Variants in SNX21 observed in about 807,000 individuals in gnomAD.
The protein encoded by SNX21 is sorting nexin-21.
A neutral mutation model predicts 30.9 loss-of-function variants in SNX21; 36 were observed. The ratio of observed to expected loss-of-function variants is 1.16; its 90% confidence interval spans 0.89 to 1.54. The LOEUF is 1.54. Among genes scored for constraint, SNX21 ranks in the 40% most tolerant of loss-of-function variants. SNX21 has a pLI of 0.00. For missense variants in SNX21, 508 were observed against 516.5 expected (o/e 0.98, Z 0.16); for synonymous variants, 218 against 222.7 (o/e 0.98, Z 0.19).
chr20:45,840,607 T>G, intron 3 of SNX21, 32 bp from the exon 4 acceptor site: 1 of 1,614,054 alleles, frequency 6.2e-7, no homozygotes, highest in Non-Finnish European at 8.5e-7. Flanking sequence ...GTGGACAACT[T>G]GCATTTGCCC....
At position 45,841,434 on chromosome 20, in the gene SNX21, CAA is replaced by C. The variant is rs890984609; in HGVS notation, c.*124_*125del. 53 of 1,462,734 alleles carry C rather than the reference CAA, an allele frequency of 3.6e-5. 1 individual carries two copies. In the South Asian group the frequency reaches 7.1e-4, roughly 20 times the overall value. 90.6% of individuals were successfully genotyped at this position (1,462,734 alleles called of 1,614,324 possible). ...GGGTGCTGGGAGCCCCTAGAAGTTC[CAA>C]AAGAGAATGTGAAGCAGATCAAGGA... is the stretch of plus-strand genomic sequence containing the variant. On this transcript the variant is annotated 3_prime_UTR_variant, in exon 4 of 4. Transcript: ENST00000491381.
At chr20:45,839,339 C>T (rs1440564728) in intron 3 of SNX21, among the ~76,000 whole-genome samples, 1 of 152,002 alleles carries the variant, frequency 6.6e-6, no homozygotes, top group Admixed American at 6.6e-5. Flanking sequence ...CACAGTGAAA[C>T]CCCGTCTCTA....
chr20:45,839,510 C>T (rs1444820824), intron 3 of SNX21, among the ~76,000 whole-genome samples: 1 of 151,548 alleles, frequency 6.6e-6, no homozygotes, highest in Non-Finnish European at 1.5e-5. Flanking sequence ...GGCAACAGAG[C>T]GAGACTCCGT....
chr20:45,840,950 T>C lies in SNX21; in HGVS notation c.759T>C (p.Thr253=). Residue 253 remains threonine (T), a synonymous_variant, in exon 4 of 4, where the codon ACT becomes ACC. Coordinates refer to ENST00000491381, the MANE Select transcript of SNX21 (RefSeq NM_033421.4). ...ELRRAQSLTC[T]GLYREALALW... ...GGCGGGCACAGAGCCTCACCTGTAC[T>C]GGCCTCTATCGTGAGGCTCTGGCAC... The C allele has an allele frequency of 6.2e-7, 1 of 1,611,028 alleles. No individual in the cohort carries two copies. Among genetic ancestry groups the C allele is most frequent in the Non-Finnish European group, 8.5e-7 (1 of 1,178,928 alleles).
rs868085939 is a variant in SNX21 at position 45,841,060 on chromosome 20, C to T, written c.869C>T (p.Ala290Val). Residue 290 changes from alanine (A) to valine (V), a missense_variant, in exon 4 of 4, where the codon GCC (alanine) becomes GTC (valine). Ala to Val is a moderately conservative substitution (Grantham distance 64). Coordinates refer to ENST00000491381, the MANE Select transcript of SNX21 (RefSeq NM_033421.4). ...DRPLLTLAGL[A>V]VCHQELEDPG... ...CCCCTGCTGACCCTGGCTGGGCTGG[C>T]CGTGTGCCACCAGGAGCTGGAAGAC... 3 of 1,609,022 alleles carry T rather than the reference C, an allele frequency of 1.9e-6. No individual in the cohort carries two copies. Among genetic ancestry groups the T allele is most frequent in the African/African-American group, 2.7e-5 (2 of 75,022 alleles).
chr20:45,842,728 G>A lies in SNX21; in HGVS notation c.*1415G>A. ...TTTTCCAGACCAGGACTGAAATCCA[G>A]AGAGGGTCAGGAATTTGGCCCCATG... On this transcript the variant is annotated 3_prime_UTR_variant, in exon 4 of 4. Transcript: ENST00000491381. 3.0e-6 allele frequency: 3 copies of A among 989,452 alleles called. No homozygotes were observed. Among genetic ancestry groups the A allele is most frequent in the Non-Finnish European group, 3.6e-6 (3 of 832,420 alleles). 61.3% of individuals were successfully genotyped at this position (989,452 alleles called of 1,614,324 possible). A position where few individuals can be genotyped will look rare whatever the true frequency, so the allele number is the denominator to read the frequency against.
chr20:45,835,145 G>GT (rs771573749), intron 3 of SNX21, 29 bp downstream of exon 3: 1 of 1,591,948 alleles, frequency 6.3e-7, no homozygotes, highest in South Asian at 1.1e-5. Flanking sequence ...CCCCTGGGCT[G>GT]TGAGTCCAGA....
chr20:45,836,319 G>A (rs1055481850), intron 3 of SNX21, among the ~76,000 whole-genome samples: 8 of 151,596 alleles, frequency 5.3e-5, no homozygotes, highest in African/African-American at 9.7e-5. Context: ...GTGAAACCCC[G>A]TCTCTACTAA....
rs1188904285 is a variant in SNX21 at position 45,842,130 on chromosome 20, C to G, written c.*817C>G. On this transcript the variant is annotated 3_prime_UTR_variant, in exon 4 of 4. Coordinates refer to ENST00000491381, the MANE Select transcript of SNX21 (RefSeq NM_033421.4). ...AGCTGGGATTACAGGCGCACATCAC[C>G]ATGCCCAACCTCCAAGTGGACTTCT... 6.5e-7 allele frequency: 1 copy of G among 1,531,698 alleles called. No homozygotes were observed. Among genetic ancestry groups the G allele is most frequent in the Non-Finnish European group, 8.7e-7 (1 of 1,145,482 alleles). The allele number at this position is 1,531,698 out of a possible 1,614,324, so 94.9% of individuals were successfully genotyped here.
chr20:45,839,624 T>C (rs901379720), intron 3 of SNX21, among the ~76,000 whole-genome samples: 1 of 152,074 alleles, frequency 6.6e-6, no homozygotes, highest in African/African-American at 2.4e-5. Flanking sequence ...GGTGTGGTGC[T>C]CATGCCTGTA....
intron 3 of SNX21, among the ~76,000 whole-genome samples, chr20:45,839,305 G>A (rs1322745276): frequency 6.6e-6 from 1 of 152,116 alleles, no homozygotes; most frequent in Non-Finnish European, 1.5e-5. Flanking sequence ...CACAAGGTCA[G>A]GAGATCGAGA....
At chr20:45,838,740 C>A (rs996106148) in intron 3 of SNX21, among the ~76,000 whole-genome samples, 4 of 151,562 alleles carry the variant, frequency 2.6e-5, no homozygotes, top group African/African-American at 7.3e-5. Context: ...GGCGACAGGG[C>A]GAGACTAAAT....
chr20:45,834,327 G>A lies in SNX21; in HGVS notation c.148G>A (p.Ala50Thr). The change falls in exon 2 of 4, where the codon GCC (alanine) becomes ACC (threonine). Residue 50 changes from alanine to threonine, a missense_variant. Coordinates refer to ENST00000491381, the MANE Select transcript of SNX21 (RefSeq NM_033421.4). ...PESSELEDDD[A>T]EGLSSRLSGT... is the part of the protein sequence containing the mutation. ...GAGCTCAGAGCTGGAGGACGACGAC[G>A]CCGAGGGCCTGTCCTCCCGACTCAG... 6.3e-7 allele frequency: 1 copy of A among 1,598,476 alleles called. No individual in the cohort carries two copies. The highest frequency in any genetic ancestry group is 1.1e-5 in the South Asian group (1 of 89,606).
At chr20:45,840,490 G>A (rs377181272) in intron 3 of SNX21, 149 bp from the exon 4 acceptor site, 52 of 1,613,956 alleles carry the variant, frequency 3.2e-5, no homozygotes, top group African/African-American at 5.3e-5. Flanking sequence ...CCGCCACTGC[G>A]CAGCAGCTCC....
chr20:45,838,809 ATGT>A (rs1983760469), intron 3 of SNX21, among the ~76,000 whole-genome samples: 1 of 151,974 alleles, frequency 6.6e-6, no homozygotes, highest in Admixed American at 6.6e-5. Context: ...TCTTGCCTAG[ATGT>A]TGTTGCCTGA....
intron 1 of SNX21, 115 bp downstream of exon 1, chr20:45,834,055 T>A (rs1284101505): frequency 1.4e-6 from 2 of 1,410,554 alleles, no homozygotes; most frequent in Non-Finnish European, 1.9e-6. Context: ...CTGGGTCCCC[T>A]GGTTCGCAAG....
chr20:45,835,171 A>C, intron 3 of SNX21, 55 bp downstream of exon 3: 9 of 1,537,984 alleles, frequency 5.9e-6, no homozygotes, highest in Non-Finnish European at 7.0e-6. Context: ...GGCTAGGAGC[A>C]AGTAGGGAAG....
At chr20:45,836,460 C>T (rs1016267941) in intron 3 of SNX21, among the ~76,000 whole-genome samples, 4 of 125,058 alleles carry the variant, frequency 3.2e-5, no homozygotes, top group South Asian at 2.6e-4. Context: ...CACTGCAGTC[C>T]GGCCTGGGCA....
Position 45,840,866 on chromosome 20 carries a change from A to G in SNX21, c.675A>G (p.Ala225=). The G allele has an allele frequency of 1.9e-6, 3 of 1,613,678 alleles. No homozygotes were observed. Among genetic ancestry groups the G allele is most frequent in the Non-Finnish European group, 2.5e-6 (3 of 1,180,028 alleles). ...AFEQFLGHLQ[A]VPELRHAPDL... is the part of the protein sequence containing the mutation. ...AGCAGTTTTTGGGTCACCTGCAGGC[A>G]GTGCCTGAGCTGCGCCATGCCCCGG... The change falls in exon 4 of 4, where the codon GCA becomes GCG. Residue 225 remains alanine, a synonymous_variant. Coordinates refer to ENST00000491381, the MANE Select transcript of SNX21 (RefSeq NM_033421.4).
Sources: allele counts gnomAD v4.1 joint callset (sites outside exome capture counted in the v4.1 genomes callset), GRCh38; gene constraint gnomAD v4.1.1; transcripts MANE v1.5; gene names NCBI Gene and HGNC (gene_info 2026-07-23, HGNC 2026-07-21).